The following RASGRF2 variants were observed in gnomAD, a reference collection of about 807,000 sequenced individuals.
RASGRF2 encodes ras-specific guanine nucleotide-releasing factor 2.
RASGRF2 carries 76 observed loss-of-function variants against 151.0 expected under a neutral mutation model. The ratio of observed to expected loss-of-function variants is 0.50; its 90% CI spans 0.42 to 0.61. The LOEUF is 0.61. Ranked by LOEUF, RASGRF2 falls within the 20% of genes least tolerant of loss-of-function variation. The probability of loss-of-function intolerance (pLI) is 0.00; values close to 1 mark genes in which losing one functional copy is unlikely to be tolerated. For missense variants in RASGRF2, 1,148 were observed against 1,564.6 expected, an observed-to-expected ratio of 0.73 and a Z score of 4.49; for synonymous variants, 504 against 566.5, an observed-to-expected ratio of 0.89 and a Z score of 1.57.
chr5:81,099,146 A>G (rs1752626211), intron 12 of RASGRF2, among the ~76,000 whole-genome samples: 1 of 152,188 alleles, frequency 6.6e-6, no homozygotes, highest in African/African-American at 2.4e-5. Context: ...TCTGTCCTGA[A>G]GAGTGAACTG....
At chr5:81,041,156 G>A (rs1394811338) in intron 1 of RASGRF2, among the ~76,000 whole-genome samples, 2 of 152,056 alleles carry the variant, frequency 1.3e-5, no homozygotes, top group Non-Finnish European at 2.9e-5. Context: ...ACAAAAAGTA[G>A]CCAGGCGTGG....
rs759339620 is a variant in RASGRF2, at chr5:80,995,684, T to TA, written c.288+34658_288+34659insA. Among the ~76,000 whole-genome samples, 546 of 69,476 alleles carry TA rather than the reference T, an allele frequency of 7.9e-3. 5 individuals are homozygous for TA. Among genetic ancestry groups the TA allele is most frequent in the South Asian group, 0.028 (49 of 1,722 alleles). 45.6% of individuals were successfully genotyped at this position (69,476 alleles called of 152,430 possible). A position where few individuals can be genotyped will look rare whatever the true frequency, so the allele number is the denominator to read the frequency against. On this transcript the variant is annotated intron_variant, in intron 1 of 26. Coordinates refer to ENST00000265080, the MANE Select transcript of RASGRF2 (RefSeq NM_006909.3). Reference sequence around the variant, plus strand: ...CAAATCATTGTTTCTTTCCTTTCCTTCCCCCCCCCTTTTTTTTTTTTTTTT... The same window carrying TA: ...CAAATCATTGTTTCTTTCCTTTCCTTACCCCCCCCCTTTTTTTTTTTTTTTT...
intron 17 of RASGRF2, among the ~76,000 whole-genome samples, chr5:81,153,637 T>A (rs1245865642): frequency 6.6e-6 from 1 of 152,196 alleles, no homozygotes; most frequent in African/African-American, 2.4e-5. Flanking sequence ...CATGGTAATT[T>A]GTTATAGCAG....
chr5:81,138,757 G>T (rs959878572), intron 17 of RASGRF2, among the ~76,000 whole-genome samples: 4 of 110,508 alleles, frequency 3.6e-5, no homozygotes, highest in Non-Finnish European at 5.8e-5. Flanking sequence ...TGTCTCTCTG[G>T]ATGTGCTTGT....
At chr5:81,003,376 C>T (rs912761906) in intron 1 of RASGRF2, among the ~76,000 whole-genome samples, 2 of 152,274 alleles carry the variant, frequency 1.3e-5, no homozygotes, top group Admixed American at 6.5e-5. Context: ...GTGCCCACCA[C>T]CACGCCCACC....
Position 80,960,575 on chromosome 5 carries a change from G to C in RASGRF2, c.-164G>C, listed in dbSNP as rs1045372311. 5.0e-4 allele frequency: 285 copies of C among 568,784 alleles called. No individual in the cohort carries two copies. Among genetic ancestry groups the C allele is most frequent in the Non-Finnish European group, 6.7e-4 (264 of 394,098 alleles). 35.2% of individuals were successfully genotyped at this position (568,784 alleles called of 1,614,324 possible). ...CGCGCCCCTGCCACCGCGCGCCGCG[G>C]CCTCCCGAAAGCGGGCGGGGTGCCC... is the stretch of plus-strand genomic sequence containing the variant. On this transcript the variant is annotated 5_prime_UTR_variant, in exon 1 of 27. Transcript: ENST00000265080. This position sits in a 1 kb window ranked among gnomAD's most constrained non-coding sequence, Gnocchi z 5.5.
intron 18 of RASGRF2, among the ~76,000 whole-genome samples, chr5:81,188,516 T>C (rs1755084366): frequency 1.3e-5 from 2 of 152,110 alleles, no homozygotes; most frequent in South Asian, 4.1e-4. Context: ...GGGCACATGG[T>C]CTTTTATGGG....
rs78772292 is a variant in RASGRF2 at position 80,965,279 on chromosome 5, G to A, written c.288+4253G>A. The stretch of plus-strand genomic sequence containing the variant: ...ATGGTGGATTTTCATACTACTTCAC[G>A]TTGTCTAATTATAACCAACTCAACT... On this transcript the variant is annotated intron_variant, in intron 1 of 26. Transcript: ENST00000265080. Among the ~76,000 whole-genome samples the A allele has an allele frequency of 8.4e-3, 1,283 of 152,010 alleles. 19 individuals carry two copies. The highest frequency in any genetic ancestry group is 0.029 in the African/African-American group (1,217 of 41,468).
At chr5:81,060,937 T>C (rs1751411562) in intron 2 of RASGRF2, among the ~76,000 whole-genome samples, 1 of 152,110 alleles carries the variant, frequency 6.6e-6, no homozygotes. Flanking sequence ...TCTCTGTCTC[T>C]CTCTTCCCTT....
chr5:81,113,243 T>A, intron 14 of RASGRF2: 2 of 501,544 alleles, frequency 4.0e-6, no homozygotes, highest in Non-Finnish European at 3.5e-6. Context: ...CTGGCTCTGA[T>A]TCAGCAGGCC....
In RASGRF2 at chr5:81,230,118, G is replaced by T. The variant is rs1039623001; in HGVS notation, c.*4348G>T. The T allele has an allele frequency of 6.6e-6, 1 of 152,208 alleles. No individual in the cohort carries two copies. The highest frequency in any genetic ancestry group is 1.5e-5 in the Non-Finnish European group (1 of 68,040). The allele number at this position is 152,208 out of a possible 1,614,324, so 9.4% of individuals were successfully genotyped here. ...CTAACACTTGCCAAGTGAGGTGTAG[G>T]TTATGCCTATATGCAAATTAAACTT... On this transcript the variant is annotated 3_prime_UTR_variant, in exon 27 of 27. Transcript: ENST00000265080.
At chr5:81,083,631 A>G (rs1426569005) in intron 7 of RASGRF2, among the ~76,000 whole-genome samples, 1 of 152,224 alleles carries the variant, frequency 6.6e-6, no homozygotes, top group Non-Finnish European at 1.5e-5. Flanking sequence ...ATGGAAAATA[A>G]TGTTGTCATT....
chr5:81,018,415 G>C (rs1749711877), intron 1 of RASGRF2, among the ~76,000 whole-genome samples: 1 of 152,136 alleles, frequency 6.6e-6, no homozygotes, highest in Non-Finnish European at 1.5e-5. Context: ...CAGATTTAGA[G>C]TGAGTTCTCT....
chr5:81,039,054 C>G (rs899875695), intron 1 of RASGRF2, among the ~76,000 whole-genome samples: 18 of 152,054 alleles, frequency 1.2e-4, no homozygotes, highest in African/African-American at 4.1e-4. Flanking sequence ...TTAACAAATA[C>G]TTTTCCATCC....
chr5:81,060,952 T>C (rs1751411965), intron 2 of RASGRF2, among the ~76,000 whole-genome samples: 1 of 152,126 alleles, frequency 6.6e-6, no homozygotes, highest in African/African-American at 2.4e-5. Context: ...TCCCTTCTCC[T>C]CTTCTGCTTA....
intron 1 of RASGRF2, among the ~76,000 whole-genome samples, chr5:81,008,393 C>T (rs1749346994): frequency 1.3e-5 from 2 of 152,094 alleles, no homozygotes; most frequent in African/African-American, 4.8e-5. Context: ...TCCAGTGATC[C>T]ACCTGCTTCA....
intron 1 of RASGRF2, among the ~76,000 whole-genome samples, chr5:81,040,617 C>T (rs534325647): frequency 6.6e-6 from 1 of 152,290 alleles, no homozygotes; most frequent in South Asian, 2.1e-4. Flanking sequence ...GTGCCCTGCA[C>T]AGGGCCAAGA....
chr5:81,229,944 T>C lies in RASGRF2; in HGVS notation c.*4174T>C, dbSNP rs1167452006. 1 of 152,268 alleles carries C rather than the reference T, an allele frequency of 6.6e-6. No homozygotes were observed. The allele number at this position is 152,268 out of a possible 1,614,324, so 9.4% of individuals were successfully genotyped here. On this transcript the variant is annotated 3_prime_UTR_variant, in exon 27 of 27. Transcript: ENST00000265080. ...CTGATTACTGTCCTCAGATCTCTTT[T>C]GTAGAGGATTTCAATGTATTTCTTT...
In RASGRF2 at chr5:81,042,907, G is replaced by A. The variant is rs372292805; in HGVS notation, c.319G>A (p.Gly107Ser). ...CTTTACTGTTCTTTTTGGCCATGAA[G>A]GTCAGAAGCCACTGGAGCTGCGCTG... Reference protein sequence around the residue: ...YYFTVLFGHEGQKPLELRCEE... With the variant: ...YYFTVLFGHESQKPLELRCEE... Residue 107 changes from glycine to serine, a missense_variant, in exon 2 of 27, where the codon GGT becomes AGT. Around this residue, in one of 5 missense-constraint regions of RASGRF2, gnomAD observed 221 missense variants for 271.3 expected, o/e 0.81. Coordinates refer to ENST00000265080, the MANE Select transcript of RASGRF2 (RefSeq NM_006909.3). The A allele has an allele frequency of 3.1e-6, 5 of 1,612,444 alleles. No homozygotes were observed. The highest frequency in any genetic ancestry group is 3.4e-6 in the Non-Finnish European group (4 of 1,179,490).
Sources: gnomAD v4.1 joint callset for allele counts (sites outside exome capture counted in the v4.1 genomes callset) on GRCh38, gnomAD v4.1.1 for gene constraint, gnomAD v4.1.1 regional missense constraint, Gnocchi (gnomAD v3.1) non-coding constraint, MANE v1.5 for transcripts, NCBI Gene and HGNC (gene_info 2026-07-23, HGNC 2026-07-21) for gene names.